Variants in TRAPPC9 observed in about 807,000 individuals in gnomAD.
TRAPPC9 encodes trafficking protein particle complex subunit 9, also known as IKK2 binding protein.
TRAPPC9 carries 83 observed loss-of-function variants against 124.0 expected under a neutral mutation model. That is an observed-to-expected ratio of 0.67 (90% CI 0.56 to 0.80). The LOEUF is 0.80. Among genes scored for constraint, TRAPPC9 ranks in the 30% least tolerant of loss-of-function variants. The pLI is 0.00. For synonymous variants in TRAPPC9, 638 were observed against 617.5 expected, an observed-to-expected ratio of 1.03 and a Z score of -0.49; for missense variants, 1,302 against 1,508.3, an observed-to-expected ratio of 0.86 and a Z score of 2.27.
chr8:140,271,461 C>T (rs371288091), intron 15 of TRAPPC9, among the ~76,000 whole-genome samples: 21 of 152,104 alleles, frequency 1.4e-4, no homozygotes, highest in South Asian at 1.2e-3. Flanking sequence ...TCACGCCACG[C>T]GTCCAACAAA....
intron 17 of TRAPPC9, among the ~76,000 whole-genome samples, chr8:140,085,485 A>G (rs1844128165): frequency 6.6e-6 from 1 of 152,224 alleles, no homozygotes; most frequent in Non-Finnish European, 1.5e-5. Context: ...TTCTGTTGTG[A>G]AATGAGAACC....
chr8:140,083,209 A>G (rs1041157737), intron 17 of TRAPPC9, among the ~76,000 whole-genome samples: 6 of 151,900 alleles, frequency 3.9e-5, no homozygotes, highest in African/African-American at 1.5e-4. Context: ...AAAAATTCAC[A>G]TCTTTGGACT....
chr8:139,812,084 A>T (rs989310780), intron 21 of TRAPPC9, among the ~76,000 whole-genome samples: 1 of 152,206 alleles, frequency 6.6e-6, no homozygotes, highest in South Asian at 2.1e-4. Context: ...TATCTCCTGG[A>T]ACCACGCATG....
Position 140,449,196 on chromosome 8 carries a change from T to C in TRAPPC9, c.584+1594A>G, listed in dbSNP as rs1454434830. Among the ~76,000 whole-genome samples the C allele has an allele frequency of 3.3e-5, 5 of 152,166 alleles. No homozygotes were observed. In the South Asian group the frequency reaches 6.2e-4, roughly 19 times the overall value. Reference sequence around the variant, plus strand: ...CAACCAGAACGACACCGTGTGACCTTAGATAAATTTCAGAAACATACTGAG... The same window carrying C: ...CAACCAGAACGACACCGTGTGACCTCAGATAAATTTCAGAAACATACTGAG... On this transcript the variant is annotated intron_variant, in intron 2 of 22. Transcript: ENST00000438773.
At chr8:140,168,790 C>T (rs1207920027) in intron 17 of TRAPPC9, among the ~76,000 whole-genome samples, 1 of 152,182 alleles carries the variant, frequency 6.6e-6, no homozygotes, top group Non-Finnish European at 1.5e-5. Flanking sequence ...CTCTCTCCAG[C>T]TTCATGCTTT....
chr8:140,394,952 G>A (rs758805291), intron 7 of TRAPPC9, among the ~76,000 whole-genome samples: 1 of 152,058 alleles, frequency 6.6e-6, no homozygotes, highest in Non-Finnish European at 1.5e-5. Context: ...TGAACCCCAC[G>A]TAGGTCCCCC....
chr8:139,740,663 T>C (rs1200584707), intron 21 of TRAPPC9, among the ~76,000 whole-genome samples: 1 of 151,774 alleles, frequency 6.6e-6, no homozygotes, highest in African/African-American at 2.4e-5. Context: ...TCCTGGAGAG[T>C]GGTAGGCAGG....
chr8:140,201,092 C>A (rs1022098805), intron 17 of TRAPPC9, among the ~76,000 whole-genome samples: 1 of 152,202 alleles, frequency 6.6e-6, no homozygotes, highest in African/African-American at 2.4e-5. Flanking sequence ...ACCCAGGCCT[C>A]TAAGAGTCCA....
Position 140,393,032 on chromosome 8 carries a change from TTTTTATTTTATTTTATTTTA to T in TRAPPC9, c.1134+4568_1134+4587del, listed in dbSNP as rs200195467. ...AGTGAATATTATCATTCCCATTTTATTTTTATTTTATTTTATTTTATTTTATTTTATTTTATTTTATTTTA... is the reference window on the plus strand; with the variant it reads ...AGTGAATATTATCATTCCCATTTTATTTTTATTTTATTTTATTTTATTTTA... On this transcript the variant is annotated intron_variant, in intron 7 of 22. Coordinates refer to ENST00000438773, the MANE Select transcript of TRAPPC9 (RefSeq NM_001160372.4). 5.4e-4 allele frequency among the ~76,000 whole-genome samples: 74 copies of T among 138,098 alleles called. 1 individual carries two copies. The highest frequency in any genetic ancestry group is 4.9e-3 in the East Asian group (24 of 4,874). The allele number at this position is 138,098 out of a possible 152,430, so 90.6% of individuals were successfully genotyped here.
At chr8:140,068,188 T>C (rs1842973786) in intron 17 of TRAPPC9, among the ~76,000 whole-genome samples, 1 of 152,058 alleles carries the variant, frequency 6.6e-6, no homozygotes, top group Non-Finnish European at 1.5e-5. Context: ...CACCCAGTAA[T>C]AGAGCAGAGC....
At chr8:140,366,130 C>G (rs535298007) in intron 8 of TRAPPC9, among the ~76,000 whole-genome samples, 1 of 152,292 alleles carries the variant, frequency 6.6e-6, no homozygotes, top group Non-Finnish European at 1.5e-5. Flanking sequence ...TAATATTCCA[C>G]AGTGTATATG....
intron 7 of TRAPPC9, among the ~76,000 whole-genome samples, chr8:140,386,901 A>C (rs1274872972): frequency 6.6e-6 from 1 of 152,220 alleles, no homozygotes; most frequent in African/African-American, 2.4e-5. Flanking sequence ...GCATCACGCT[A>C]CCTGACTTCA....
chr8:140,060,207 C>T (rs1162045055), intron 17 of TRAPPC9, among the ~76,000 whole-genome samples: 5 of 152,176 alleles, frequency 3.3e-5, no homozygotes, highest in African/African-American at 1.2e-4. Flanking sequence ...GGGGCCAGGC[C>T]GGCCCCACTG....
At chr8:139,769,422 C>T (rs776102303) in intron 21 of TRAPPC9, among the ~76,000 whole-genome samples, 1 of 152,230 alleles carries the variant, frequency 6.6e-6, no homozygotes, top group Non-Finnish European at 1.5e-5. Context: ...CGTGGATTCA[C>T]TGGACAAAGG....
At chr8:140,131,924 G>C (rs947104280) in intron 17 of TRAPPC9, among the ~76,000 whole-genome samples, 1 of 152,182 alleles carries the variant, frequency 6.6e-6, no homozygotes, top group African/African-American at 2.4e-5. Context: ...CCAGGGGACC[G>C]AGGGGACCGC....
intron 18 of TRAPPC9, among the ~76,000 whole-genome samples, chr8:140,008,177 T>C (rs1838883701): frequency 6.6e-6 from 1 of 152,234 alleles, no homozygotes; most frequent in Non-Finnish European, 1.5e-5. Flanking sequence ...ATGAAGCAGA[T>C]ACATTGAATT....
chr8:140,455,190 T>C (rs540769158), intron 1 of TRAPPC9, among the ~76,000 whole-genome samples: 69 of 152,314 alleles, frequency 4.5e-4, no homozygotes, highest in African/African-American at 1.5e-3. Context: ...TGGAGTACAG[T>C]GGCAGGATTT....
At chr8:140,291,392 G>A (rs578189523) in intron 11 of TRAPPC9, 31 of 432,750 alleles carry the variant, frequency 7.2e-5, no homozygotes, top group Admixed American at 6.3e-4. Context: ...GCGCTTCACG[G>A]GGCCCAGAAG....
intron 2 of TRAPPC9, among the ~76,000 whole-genome samples, chr8:140,444,262 A>G (rs1436628987): frequency 6.6e-6 from 1 of 151,338 alleles, no homozygotes; most frequent in African/African-American, 2.4e-5. Flanking sequence ...TACAATGTTC[A>G]TAAGAGGGTT....
Sources: gnomAD v4.1 joint callset for allele counts (sites outside exome capture counted in the v4.1 genomes callset) on GRCh38, gnomAD v4.1.1 for gene constraint, MANE v1.5 for transcripts, NCBI Gene and HGNC (gene_info 2026-07-23, HGNC 2026-07-21) for gene names.